Variants in NR2F1-AS1 observed in about 807,000 individuals in gnomAD.
NR2F1-AS1 encodes the protein NR2F1 regulatory antisense RNA 1.
At chr5:93,581,712 C>A (rs1753046763), upstream of NR2F1-AS1, among the ~76,000 whole-genome samples, 1 of 69,330 alleles carries the variant, frequency 1.4e-5, no homozygotes, top group African/African-American at 7.8e-5. Context: ...CTCTCTCTCT[C>A]TCTCTCTCTC....
intron 4 of NR2F1-AS1, among the ~76,000 whole-genome samples, chr5:93,469,505 G>A (rs1183476743): frequency 6.6e-6 from 1 of 151,994 alleles, no homozygotes; most frequent in Admixed American, 6.6e-5. Flanking sequence ...CCGGTCATAG[G>A]AAAAACCAAC....
intron 4 of NR2F1-AS1, chr5:93,410,552 A>G (rs1007286608): frequency 6.6e-6 from 1 of 152,216 alleles, no homozygotes; most frequent in African/African-American, 2.4e-5. Flanking sequence ...TGAGGGATCT[A>G]GGCTGCGCAC....
chr5:93,544,842 C>T (rs1229137712), intron 4 of NR2F1-AS1: 1 of 150,984 alleles, frequency 6.6e-6, no homozygotes, highest in Non-Finnish European at 1.5e-5. Flanking sequence ...ATCACTTGAA[C>T]CCGGGAGGCG....
intron 1 of NR2F1-AS1, among the ~76,000 whole-genome samples, chr5:93,567,956 A>C (rs1369070044): frequency 6.6e-6 from 1 of 152,182 alleles, no homozygotes; most frequent in Non-Finnish European, 1.5e-5. Context: ...ATCCAACTAC[A>C]AAGTGTTATA....
chr5:93,550,000 G>A (rs568216170), intron 4 of NR2F1-AS1, among the ~76,000 whole-genome samples: 1 of 151,872 alleles, frequency 6.6e-6, no homozygotes, highest in African/African-American at 2.4e-5. Flanking sequence ...AGCATTAGGA[G>A]AAATACCTAA....
upstream of NR2F1-AS1, chr5:93,585,135 G>C: frequency 9.5e-7 from 1 of 1,056,648 alleles, no homozygotes; most frequent in African/African-American, 1.7e-5. Context: ...CGGCGGCGCC[G>C]GCGAGCAGCA....
intron 4 of NR2F1-AS1, among the ~76,000 whole-genome samples, chr5:93,474,900 CAGATCACAAGGTCAGG>C (rs1486262811): frequency 6.6e-6 from 1 of 152,086 alleles, no homozygotes; most frequent in Non-Finnish European, 1.5e-5. Flanking sequence ...CCGAGGCAGG[CAGATCACAAGGTCAGG>C]AGATCGAGAC....
At chr5:93,463,807 C>T (rs1237531780) in intron 4 of NR2F1-AS1, among the ~76,000 whole-genome samples, 5 of 152,296 alleles carry the variant, frequency 3.3e-5, no homozygotes, top group South Asian at 2.1e-4. Context: ...TTTGTTTCGG[C>T]CAATTTCTCC....
At chr5:93,545,315 G>A (rs1052030836) in intron 4 of NR2F1-AS1, among the ~76,000 whole-genome samples, 14 of 152,254 alleles carry the variant, frequency 9.2e-5, no homozygotes, top group East Asian at 3.9e-4. Flanking sequence ...GCTATTTTGT[G>A]GATACACCAT....
At chr5:93,459,730 G>GA (rs1750048318) in intron 4 of NR2F1-AS1, among the ~76,000 whole-genome samples, 1 of 152,084 alleles carries the variant, frequency 6.6e-6, no homozygotes, top group South Asian at 2.1e-4. Context: ...TACTGTCTCA[G>GA]AAAAGGAGTG....
chr5:93,505,028 C>T (rs1005830523), intron 4 of NR2F1-AS1, among the ~76,000 whole-genome samples: 1 of 152,132 alleles, frequency 6.6e-6, no homozygotes, highest in Non-Finnish European at 1.5e-5. Context: ...CGCCTATAAG[C>T]CTGTAAAATC....
chr5:93,499,193 T>G (rs908443374), intron 4 of NR2F1-AS1, among the ~76,000 whole-genome samples: 5 of 152,178 alleles, frequency 3.3e-5, no homozygotes, highest in African/African-American at 1.2e-4. Flanking sequence ...TTCAAATATG[T>G]GAATGTGTGT....
Position 93,531,803 on chromosome 5 carries a change from G to A in NR2F1-AS1, n.638+21958C>T, listed in dbSNP as rs963882217. ...AGGAAAGAGAAAACAAACTAGTAAG[G>A]CAGACTAACACAATAACCAATGAAC... On this transcript the variant is annotated intron_variant and non_coding_transcript_variant, in intron 4 of 5. Transcript: ENST00000660523. 3.9e-5 allele frequency among the ~76,000 whole-genome samples: 6 copies of A among 152,246 alleles called. No individual in the cohort carries two copies. The South Asian group carries it at 1.2e-3, about 32-fold the overall frequency.
chr5:93,541,912 A>G (rs1751958679), intron 4 of NR2F1-AS1: 1 of 151,982 alleles, frequency 6.6e-6, no homozygotes, highest in South Asian at 2.1e-4. Flanking sequence ...TAAACAATCA[A>G]AATTAATGTA....
At chr5:93,440,171 C>A (rs1456464761) in intron 4 of NR2F1-AS1, among the ~76,000 whole-genome samples, 5 of 151,936 alleles carry the variant, frequency 3.3e-5, no homozygotes, top group African/African-American at 7.3e-5. Context: ...AATCCTCTTT[C>A]TCTCGCTCGC....
At chr5:93,521,165 T>C (rs962964881) in intron 4 of NR2F1-AS1, among the ~76,000 whole-genome samples, 2 of 152,128 alleles carry the variant, frequency 1.3e-5, no homozygotes, top group Non-Finnish European at 2.9e-5. Context: ...TGGCTAGCCA[T>C]ATGCAGAAGA....
At chr5:93,544,036 G>C (rs1231713623) in intron 4 of NR2F1-AS1, 1 of 152,114 alleles carries the variant, frequency 6.6e-6, no homozygotes, top group Non-Finnish European at 1.5e-5. Flanking sequence ...TGCAAAGCAA[G>C]AAAAGAGAAA....
intron 4 of NR2F1-AS1, among the ~76,000 whole-genome samples, chr5:93,521,645 A>G (rs1010482752): frequency 8.5e-5 from 13 of 152,246 alleles, no homozygotes; most frequent in South Asian, 2.1e-4. Flanking sequence ...GAGAAATGCA[A>G]ATCAAAACCA....
intron 4 of NR2F1-AS1, among the ~76,000 whole-genome samples, chr5:93,512,307 T>C (rs1345357688): frequency 3.3e-5 from 5 of 152,138 alleles, no homozygotes; most frequent in Non-Finnish European, 5.9e-5. Context: ...GAAAAGCTCA[T>C]AGAATAAGGA....
Sources: gnomAD v4.1 joint callset for allele counts (sites outside exome capture counted in the v4.1 genomes callset) on GRCh38, gnomAD v4.1.1 for gene constraint, MANE v1.5 for transcripts, NCBI Gene and HGNC (gene_info 2026-07-23, HGNC 2026-07-21) for gene names.